The following KLHL4 variants were observed in gnomAD, a reference collection of about 807,000 sequenced individuals.
KLHL4 encodes kelch-like protein 4.
KLHL4 carries 17 observed loss-of-function variants against 45.8 expected under a neutral mutation model. The ratio of observed to expected loss-of-function variants is 0.37; its 90% CI spans 0.25 to 0.56. The LOEUF (loss-of-function observed/expected upper bound fraction) is 0.56, where lower values mean the gene tolerates loss of function less well. Among genes scored for constraint, KLHL4 ranks in the 20% least tolerant of loss-of-function variants. The pLI, the probability that KLHL4 is intolerant of heterozygous loss-of-function variation, is 0.79. For synonymous variants in KLHL4, 224 were observed against 189.9 expected, an observed-to-expected ratio of 1.18 and a Z score of -1.47; for missense variants, 544 against 544.9, an observed-to-expected ratio of 1.00 and a Z score of 0.02.
chrX:87,665,216 G>T (rs1446126641), intron 10 of KLHL4, among the ~76,000 whole-genome samples: 1 of 110,902 alleles, frequency 9.0e-6, no homozygotes, highest in Non-Finnish European at 1.9e-5. Context: ...TCCCTTTAAA[G>T]AAAATAAGCG....
intron 1 of KLHL4, among the ~76,000 whole-genome samples, chrX:87,598,139 G>A (rs749377567): frequency 9.0e-6 from 1 of 110,578 alleles, no homozygotes; most frequent in African/African-American, 3.3e-5. Flanking sequence ...AATTGAATAT[G>A]CATTTGGAGA....
At chrX:87,635,411 C>T in intron 8 of KLHL4, 152 bp from the exon 9 acceptor site, 1 of 412,201 alleles carries the variant, frequency 2.4e-6, no homozygotes, top group Non-Finnish European at 4.2e-6. Context: ...CTATTCACTG[C>T]ATAATAGTGT....
intron 1 of KLHL4, among the ~76,000 whole-genome samples, chrX:87,601,692 G>A (rs1922022969): frequency 9.0e-6 from 1 of 111,322 alleles, no homozygotes; most frequent in African/African-American, 3.3e-5. Flanking sequence ...CCTGATGGTC[G>A]TCAGACATTC....
intron 1 of KLHL4, among the ~76,000 whole-genome samples, chrX:87,570,806 G>C (rs1339334181): frequency 1.6e-4 from 18 of 111,020 alleles, no homozygotes; most frequent in African/African-American, 5.5e-4. Flanking sequence ...GTATGAAATA[G>C]GTGATGAAAT....
intron 10 of KLHL4, among the ~76,000 whole-genome samples, chrX:87,665,535 G>A (rs1298781603): frequency 5.4e-5 from 6 of 111,728 alleles, no homozygotes; most frequent in Non-Finnish European, 1.1e-4. Context: ...ACAAAAAATA[G>A]CATTGAAATG....
In KLHL4 at chrX:87,667,351, T is replaced by C. The variant is rs751771091; in HGVS notation, c.*817T>C. The C allele has an allele frequency of 2.2e-3, 1,524 of 702,756 alleles. 2 individuals are homozygous for C. Among genetic ancestry groups the C allele is most frequent in the Non-Finnish European group, 2.5e-3 (1,471 of 593,674 alleles). 57.9% of individuals were successfully genotyped at this position (702,756 alleles called of 1,213,427 possible). ...GGCCTCACTTGTATAGAATGTAATG[T>C]TCTCCTCAAACATTTATGTTAACTC... On this transcript the variant is annotated 3_prime_UTR_variant, in exon 11 of 11. Coordinates refer to ENST00000373119, the MANE Select transcript of KLHL4 (RefSeq NM_019117.5).
At chrX:87,654,223 G>T (rs935627651) in intron 9 of KLHL4, among the ~76,000 whole-genome samples, 8 of 111,487 alleles carry the variant, frequency 7.2e-5, no homozygotes, top group Non-Finnish European at 1.5e-4. Context: ...GAGAAGTCTG[G>T]GCTTTTAGTG....
rs1395893234 is a variant in KLHL4 at position 87,518,197 on chromosome X, G to A, written c.304G>A (p.Ala102Thr). 3 of 1,210,109 alleles carry A rather than the reference G, an allele frequency of 2.5e-6. No individual in the cohort carries two copies. The highest frequency in any genetic ancestry group is 3.4e-6 in the Non-Finnish European group (3 of 895,097). Reference protein sequence around the residue: ...QQHNLIVHFQANEDTPKSVPE... With the variant: ...QQHNLIVHFQTNEDTPKSVPE... ...ACATAATCTGATAGTACATTTTCAAGCAAATGAAGATACTCCTAAATCAGT... is the reference window on the plus strand; with the variant it reads ...ACATAATCTGATAGTACATTTTCAAACAAATGAAGATACTCCTAAATCAGT... The change falls in exon 1 of 11, where the codon GCA (alanine) becomes ACA (threonine). Residue 102 changes from alanine (A) to threonine (T), a missense_variant. Physicochemically the swap from Ala to Thr is moderately conservative, Grantham distance 58 (BLOSUM62 0). Transcript: ENST00000373119.
chrX:87,633,969 G>C, intron 8 of KLHL4, 58 bp downstream of exon 8: 1 of 963,881 alleles, frequency 1.0e-6, no homozygotes, highest in South Asian at 2.9e-5. Flanking sequence ...ATAGAACTTC[G>C]GTGACATGAT....
intron 1 of KLHL4, among the ~76,000 whole-genome samples, chrX:87,518,640 G>A (rs770808444): frequency 2.7e-5 from 3 of 111,680 alleles, no homozygotes; most frequent in Non-Finnish European, 5.6e-5. Flanking sequence ...ATGTTTAAAT[G>A]CAATTCTTTG....
intron 1 of KLHL4, among the ~76,000 whole-genome samples, chrX:87,539,767 C>T (rs747965166): frequency 1.8e-5 from 2 of 111,289 alleles, no homozygotes; most frequent in South Asian, 7.5e-4. Flanking sequence ...ATTTAGTAAA[C>T]TTCTTCCCTG....
At chrX:87,561,002 A>G (rs887381844) in intron 1 of KLHL4, among the ~76,000 whole-genome samples, 4 of 111,498 alleles carry the variant, frequency 3.6e-5, no homozygotes, top group Non-Finnish European at 7.5e-5. Context: ...AAATAAAATC[A>G]AAATGGATTA....
rs765583953 is a variant in KLHL4, at chrX:87,669,298, C to T, written c.*2764C>T. On this transcript the variant is annotated 3_prime_UTR_variant, in exon 11 of 11. Transcript: ENST00000373119. ...AGCATGCATCATGATGATTCTCTAA[C>T]ACTGTCTGTCACCTTCCTGTATTTC... The T allele has an allele frequency of 9.1e-6, 11 of 1,204,484 alleles. No individual in the cohort carries two copies. In the African/African-American group the frequency reaches 1.1e-4, roughly 12 times the overall value.
chrX:87,620,675 G>C (rs1316702025), intron 4 of KLHL4, among the ~76,000 whole-genome samples: 2 of 112,242 alleles, frequency 1.8e-5, no homozygotes, highest in African/African-American at 3.2e-5. Flanking sequence ...TATCACTTAT[G>C]AAAAGCAGTT....
At chrX:87,608,457 G>A (rs979274503) in intron 1 of KLHL4, among the ~76,000 whole-genome samples, 1 of 110,541 alleles carries the variant, frequency 9.0e-6, no homozygotes, top group African/African-American at 3.3e-5. Context: ...GCACTGCACA[G>A]TTTCCCTTCT....
At chrX:87,653,623 T>A (rs1602466759) in intron 9 of KLHL4, among the ~76,000 whole-genome samples, 1 of 111,937 alleles carries the variant, frequency 8.9e-6, no homozygotes, top group East Asian at 2.8e-4. Context: ...GCAATCTCAT[T>A]ACTGGGTATA....
chrX:87,572,990 A>G (rs371288646), intron 1 of KLHL4, among the ~76,000 whole-genome samples: 8 of 111,788 alleles, frequency 7.2e-5, no homozygotes, highest in African/African-American at 2.6e-4. Flanking sequence ...TATTTCTCAT[A>G]CAAATGTTTT....
At chrX:87,541,466 G>A (rs1321771919) in intron 1 of KLHL4, among the ~76,000 whole-genome samples, 3 of 79,595 alleles carry the variant, frequency 3.8e-5, no homozygotes, top group African/African-American at 1.5e-4. Flanking sequence ...ACTCCAGCCT[G>A]GGTGACAGAG....
intron 9 of KLHL4, among the ~76,000 whole-genome samples, chrX:87,656,216 A>G (rs1468233937): frequency 9.0e-6 from 1 of 110,908 alleles, no homozygotes; most frequent in African/African-American, 3.3e-5. Flanking sequence ...TCTTGTATCA[A>G]GATACCTAGA....
Sources: allele counts gnomAD v4.1 joint callset (sites outside exome capture counted in the v4.1 genomes callset), GRCh38; gene constraint gnomAD v4.1.1; transcripts MANE v1.5; gene names NCBI Gene and HGNC (gene_info 2026-07-23, HGNC 2026-07-21).